PLXNB2: variants seen among roughly 807,000 people sequenced by gnomAD.
PLXNB2 encodes plexin-B2.
Under a neutral mutation model 202.6 loss-of-function variants are expected in PLXNB2, and 85 were observed. The ratio of observed to expected loss-of-function variants is 0.42; its 90% CI spans 0.35 to 0.50. The LOEUF (loss-of-function observed/expected upper bound fraction) is 0.50. PLXNB2 is among the 20% of genes least tolerant of loss of function. The pLI is 0.02. For missense variants in PLXNB2, 2,063 were observed against 2,586.2 expected (o/e 0.80, Z 4.39); for synonymous variants, 1,239 against 1,137.6 (o/e 1.09, Z -1.79).
Position 50,275,614 on chromosome 22 carries a change from G to A in PLXNB2, c.*90C>T, listed in dbSNP as rs2065489742. The A allele has an allele frequency of 2.3e-6, 2 of 888,544 alleles. No homozygotes were observed. The highest frequency in any genetic ancestry group is 1.7e-5 in the African/African-American group (1 of 59,744). The allele number at this position is 888,544 out of a possible 1,614,324, so 55.0% of individuals were successfully genotyped here. ...GGGCGCGTTCCAGGGGAGGGTGGGG[G>A]CCTCAGCCACAGCCACTCGGCCTCC... On this transcript the variant is annotated 3_prime_UTR_variant, in exon 37 of 37. Coordinates refer to ENST00000359337, the MANE Select transcript of PLXNB2 (RefSeq NM_012401.4).
In PLXNB2 at chr22:50,291,510, G is replaced by T. The variant is rs1355803509; in HGVS notation, c.-13-913C>A. 6.6e-6 allele frequency among the ~76,000 whole-genome samples: 1 copy of T among 152,134 alleles called. No homozygotes were observed. The highest frequency in any genetic ancestry group is 6.5e-5 in the Admixed American group (1 of 15,280). On this transcript the variant is annotated intron_variant, in intron 2 of 36. Coordinates refer to ENST00000359337, the MANE Select transcript of PLXNB2 (RefSeq NM_012401.4). The surrounding 1 kb of genome is among the most constrained non-coding windows in gnomAD (Gnocchi z 4.3). ...GGTGAGCTGCTGAGGACCAGGCTGA[G>T]CTGAGGGTCTCCCAATAGGAGGAAG...
At position 50,276,611 on chromosome 22, in the gene PLXNB2, C is replaced by T; in HGVS notation, c.5337+18G>A. 6.8e-6 allele frequency: 11 copies of T among 1,606,184 alleles called. No homozygotes were observed. Among genetic ancestry groups the T allele is most frequent in the Non-Finnish European group, 9.4e-6 (11 of 1,172,912 alleles). On this transcript the variant is annotated intron_variant, in intron 35 of 36. Transcript: ENST00000359337. ...GGAGCGGGGAGGGCTGTGGGTGCGT[C>T]CCTGGTGGTCTCCTTACCCGGGAAA...
chr22:50,307,066 C>T (rs188680746), intron 1 of PLXNB2, among the ~76,000 whole-genome samples: 1 of 152,312 alleles, frequency 6.6e-6, no homozygotes, highest in East Asian at 1.9e-4. Context: ...GAGGCCCAGG[C>T]AGTGGGGTCT....
chr22:50,302,683 T>C (rs1282406950), intron 1 of PLXNB2, among the ~76,000 whole-genome samples: 2 of 151,930 alleles, frequency 1.3e-5, no homozygotes, highest in African/African-American at 4.8e-5. Flanking sequence ...GCCCCTCAGC[T>C]CCCCTGGCCA....
intron 1 of PLXNB2, among the ~76,000 whole-genome samples, chr22:50,295,306 CAAAAAAAAA>C (rs760999233): frequency 0.091 from 7,724 of 84,810 alleles, 308 homozygotes; most frequent in Non-Finnish European, 0.12. Context: ...GACTTCGTCT[CAAAAAAAAA>C]AAAAAAAAAA....
chr22:50,283,529 C>T, intron 15 of PLXNB2, 73 bp downstream of exon 15: 3 of 1,566,388 alleles, frequency 1.9e-6, no homozygotes, highest in South Asian at 2.3e-5. Context: ...CCTCCCCACC[C>T]ACCCAGTCAC....
chr22:50,280,351 C>T lies in PLXNB2; in HGVS notation c.4175+138G>A, dbSNP rs2065899201. ...TGTGGCCGGGGACACCACCCCTAGACCGCCCCCCACCACCAGCGCTGGCTG... is the reference window on the plus strand; with the variant it reads ...TGTGGCCGGGGACACCACCCCTAGATCGCCCCCCACCACCAGCGCTGGCTG... On this transcript the variant is annotated intron_variant, in intron 25 of 36. Transcript: ENST00000359337. 7 of 790,522 alleles carry T rather than the reference C, an allele frequency of 8.9e-6. No individual in the cohort carries two copies. In the South Asian group the frequency reaches 1.1e-4, roughly 13 times the overall value. The allele number at this position is 790,522 out of a possible 1,614,324, so 49.0% of individuals were successfully genotyped here.
intron 1 of PLXNB2, among the ~76,000 whole-genome samples, chr22:50,296,213 C>CACACACACAA (rs928771592): frequency 6.1e-5 from 9 of 148,390 alleles, no homozygotes; most frequent in African/African-American, 2.4e-4. Flanking sequence ...CACACACACA[C>CACACACACAA]ACACACACAC....
rs1408038622 is a variant in PLXNB2 at position 50,291,089 on chromosome 22, C to T, written c.-13-492G>A. ...GGCAGAGGTGAAGGACACGGGAAAC[C>T]AGAGGCTCAGGTGAGAGCGAGGGGT... On this transcript the variant is annotated intron_variant, in intron 2 of 36. Transcript: ENST00000359337. The surrounding 1 kb of genome is among the most constrained non-coding windows in gnomAD (Gnocchi z 4.3). 6.6e-6 allele frequency among the ~76,000 whole-genome samples: 1 copy of T among 152,182 alleles called. No homozygotes were observed. The highest frequency in any genetic ancestry group is 2.4e-5 in the African/African-American group (1 of 41,448).
intron 1 of PLXNB2, among the ~76,000 whole-genome samples, chr22:50,302,826 G>C (rs982859790): frequency 6.6e-6 from 1 of 151,952 alleles, no homozygotes; most frequent in Non-Finnish European, 1.5e-5. Flanking sequence ...GGGAGGCCCT[G>C]GTGTCAAGCC....
At chr22:50,278,776 G>A (rs552988715) in intron 28 of PLXNB2, 79 bp downstream of exon 28, 213 of 1,588,630 alleles carry the variant, frequency 1.3e-4, no homozygotes, top group Middle Eastern at 8.6e-4. Flanking sequence ...TGAGAAAGCT[G>A]GCCAGGCAGG....
rs779228197 is a variant in PLXNB2 at position 50,278,621 on chromosome 22, C to T, written c.4622G>A (p.Arg1541His). 3.1e-6 allele frequency: 5 copies of T among 1,612,850 alleles called. No homozygotes were observed. The highest frequency in any genetic ancestry group is 1.7e-5 in the Admixed American group (1 of 59,978). ...ATTGTAGTGCATAAGGGTGTTGACG[C>T]GCTTCCACCGGCCCTCCCGCTGTGA... Reference protein sequence around the residue: ...LTSQREGRWKRVNTLMHYNVR... With the variant: ...LTSQREGRWKHVNTLMHYNVR... The change falls in exon 29 of 37, where the codon CGC becomes CAC. Residue 1541 changes from arginine (R) to histidine (H), a missense_variant. By Grantham distance (29) the Arg-to-His change is conservative. Transcript: ENST00000359337.
At chr22:50,290,783 C>T (rs1238019097) in intron 2 of PLXNB2, among the ~76,000 whole-genome samples, 186 bp from the exon 3 acceptor site, 1 of 152,220 alleles carries the variant, frequency 6.6e-6, no homozygotes, top group Non-Finnish European at 1.5e-5. Context: ...TCGCCGGAGA[C>T]CACTTCTCAG....
Position 50,283,818 on chromosome 22 carries a change from C to A in PLXNB2, c.2421+15G>T. 6.2e-7 allele frequency: 1 copy of A among 1,611,052 alleles called. No individual in the cohort carries two copies. The highest frequency in any genetic ancestry group is 8.5e-7 in the Non-Finnish European group (1 of 1,178,218). On this transcript the variant is annotated intron_variant, in intron 14 of 36. Coordinates refer to ENST00000359337, the MANE Select transcript of PLXNB2 (RefSeq NM_012401.4). ...GGGACGAGGGAAGGTGTAGGCCAGG[C>A]TTCGAGGGGCTCACCCTGGTGATGA...
chr22:50,275,844 C>G (rs376948709), intron 36 of PLXNB2, 36 bp from the exon 37 acceptor site: 2 of 1,606,770 alleles, frequency 1.2e-6, no homozygotes, highest in Admixed American at 3.3e-5. Context: ...ACCGGGGGAC[C>G]GCCCAGCACC....
At position 50,275,561 on chromosome 22, in the gene PLXNB2, G is replaced by A. The variant is rs915552396; in HGVS notation, c.*143C>T. The A allele has an allele frequency of 3.2e-5, 21 of 647,960 alleles. No homozygotes were observed. Among genetic ancestry groups the A allele is most frequent in the Middle Eastern group, 2.9e-4 (1 of 3,454 alleles). The allele number at this position is 647,960 out of a possible 1,614,324, so 40.1% of individuals were successfully genotyped here. On this transcript the variant is annotated 3_prime_UTR_variant, in exon 37 of 37. Coordinates refer to ENST00000359337, the MANE Select transcript of PLXNB2 (RefSeq NM_012401.4). Reference sequence around the variant, plus strand: ...AGATGCTACAGTCTAGACGCTGGGCGGGTTCCGGCTGCACCCACTCCGGCT... The same window carrying A: ...AGATGCTACAGTCTAGACGCTGGGCAGGTTCCGGCTGCACCCACTCCGGCT...
chr22:50,295,306 C>CAAAA (rs760999233), intron 1 of PLXNB2, among the ~76,000 whole-genome samples: 2 of 84,766 alleles, frequency 2.4e-5, no homozygotes, highest in African/African-American at 5.0e-5. Context: ...GACTTCGTCT[C>CAAAA]AAAAAAAAAA....
chr22:50,302,487 G>A (rs998350090), intron 1 of PLXNB2, among the ~76,000 whole-genome samples: 1 of 151,856 alleles, frequency 6.6e-6, no homozygotes, highest in African/African-American at 2.4e-5. Context: ...GGGCCTGGTC[G>A]AGAGCCACTG....
chr22:50,302,241 G>A (rs2067730433), intron 1 of PLXNB2, among the ~76,000 whole-genome samples: 1 of 152,198 alleles, frequency 6.6e-6, no homozygotes, highest in East Asian at 1.9e-4. Context: ...GGCAGCCCAG[G>A]GTGTGGGCTG....
Sources: allele counts gnomAD v4.1 joint callset (sites outside exome capture counted in the v4.1 genomes callset), GRCh38; gene constraint gnomAD v4.1.1; non-coding constraint Gnocchi (gnomAD v3.1); transcripts MANE v1.5; gene names NCBI Gene and HGNC (gene_info 2026-07-23, HGNC 2026-07-21).